Variants in AP3D1 observed in about 807,000 individuals in gnomAD.
AP3D1 encodes adaptor related protein complex 3 subunit delta 1, also known as AP-3 complex subunit delta-1.
In AP3D1, 51 loss-of-function variants were observed where a neutral mutation model predicts 147.6. The observed-to-expected ratio is 0.35, with a 90% CI of 0.28 to 0.44. AP3D1 has a LOEUF of 0.44. Among genes scored for constraint, AP3D1 ranks in the 20% least tolerant of loss-of-function variants. The pLI, the probability that AP3D1 is intolerant of heterozygous loss-of-function variation, is 1.00. For synonymous variants in AP3D1, 760 were observed against 663.0 expected (o/e 1.15, Z -2.25); for missense variants, 1,421 against 1,624.2 (o/e 0.87, Z 2.15).
rs1284952422 is a variant in AP3D1, at chr19:2,138,697, C to T, written c.114G>A (p.Gln38=). The T allele has an allele frequency of 6.2e-7, 1 of 1,613,118 alleles. No homozygotes were observed. The highest frequency in any genetic ancestry group is 8.5e-7 in the Non-Finnish European group (1 of 1,179,704). ...HKEDEAKYIS[Q]CIDEIKQELK... ...GCTCCTGCTTGATCTCATCAATGCA[C>T]TGAGATATGTATTTTGCCTATAATG... Residue 38 remains glutamine (Q), a synonymous_variant, in exon 2 of 32, where the codon CAG becomes CAA. Coordinates refer to ENST00000643116, the MANE Select transcript of AP3D1 (RefSeq NM_001261826.3).
intron 1 of AP3D1, among the ~76,000 whole-genome samples, chr19:2,160,134 C>T (rs1244179843): frequency 6.6e-6 from 1 of 151,978 alleles, no homozygotes; most frequent in Non-Finnish European, 1.5e-5. Context: ...CAGGCGTGAG[C>T]CACCGTGCCC....
chr19:2,127,484 T>C (rs973921446), intron 8 of AP3D1, among the ~76,000 whole-genome samples: 2 of 150,144 alleles, frequency 1.3e-5, no homozygotes, highest in Non-Finnish European at 2.9e-5. Context: ...GAGATGGCAA[T>C]ACCGCCTTCC....
rs973530619 is a variant in AP3D1 at position 2,124,645 on chromosome 19, A to G, written c.857-766T>C. 4.6e-5 allele frequency among the ~76,000 whole-genome samples: 7 copies of G among 152,196 alleles called. No individual in the cohort carries two copies. The South Asian group carries it at 8.3e-4, about 18-fold the overall frequency. On this transcript the variant is annotated intron_variant, in intron 9 of 31. Transcript: ENST00000643116. Reference sequence around the variant, plus strand: ...AGCTAAGCTATGAGGACGCAAAAGCATAACAATGATCTAGGCCAGGCGCGG... The same window carrying G: ...AGCTAAGCTATGAGGACGCAAAAGCGTAACAATGATCTAGGCCAGGCGCGG...
intron 1 of AP3D1, chr19:2,164,159 A>G: frequency 3.7e-6 from 4 of 1,074,230 alleles, no homozygotes; most frequent in Non-Finnish European, 4.5e-6. Context: ...CCCGCCTAGC[A>G]TGGTGCGGCG....
rs139414677 is a variant in AP3D1 at position 2,161,927 on chromosome 19, G to C, written c.-103+2429C>G. 7.5e-4 allele frequency among the ~76,000 whole-genome samples: 114 copies of C among 151,638 alleles called. No individual in the cohort carries two copies. The East Asian group carries it at 0.018, about 24-fold the overall frequency. On this transcript the variant is annotated intron_variant, in intron 1 of 14. Coordinates refer to the AP3D1 transcript ENST00000643010. The stretch of plus-strand genomic sequence containing the variant: ...TCCCAGTCACTACTCCAGCCTAGGC[G>C]AGAGTAAGACTATGTCAATAAATAA...
chr19:2,126,474 T>C (rs764216559), intron 9 of AP3D1, among the ~76,000 whole-genome samples: 4 of 151,898 alleles, frequency 2.6e-5, no homozygotes, highest in South Asian at 2.1e-4. Context: ...ATCAATGTAG[T>C]GAAACCCCGT....
rs2145047512 is a variant in AP3D1, at chr19:2,116,663, T to C, written c.1943A>G (p.Glu648Gly). Residue 648 changes from glutamate (E) to glycine (G), a missense_variant, in exon 17 of 32, where the codon GAG becomes GGG. By Grantham distance (98) the Glu-to-Gly change is moderately conservative. This residue lies in a region of AP3D1 where 791 missense variants were observed against 761.4 expected (regional missense o/e 1.04). Transcript: ENST00000643116. ...DERPRAVFHE[E>G]EQRRPKHRPS... ...CCGGTGCTTGGGACGCCGCTGCTCC[T>C]CCTCGTGGAAGACGGCCCTGGGCCT... The C allele has an allele frequency of 6.2e-7, 1 of 1,607,350 alleles. No homozygotes were observed.
intron 8 of AP3D1, among the ~76,000 whole-genome samples, chr19:2,127,683 C>A (rs1366840062): frequency 1.3e-5 from 2 of 152,190 alleles, no homozygotes; most frequent in African/African-American, 4.8e-5. Context: ...CACCACCACG[C>A]CCGGCTAATT....
At position 2,101,074 on chromosome 19, in the gene AP3D1, A is replaced by C. The variant is rs1423256106; in HGVS notation, c.*1099T>G. 1 of 152,584 alleles carries C rather than the reference A, an allele frequency of 6.6e-6. No homozygotes were observed. The highest frequency in any genetic ancestry group is 2.4e-5 in the African/African-American group (1 of 41,460). 9.5% of individuals were successfully genotyped at this position (152,584 alleles called of 1,614,324 possible). On this transcript the variant is annotated 3_prime_UTR_variant, in exon 32 of 32. Transcript: ENST00000643116. ...GATATGTCTCTCTCTTTATACGGGA[A>C]TGTCGATAGCAAATAAATTCTTATG...
At chr19:2,116,962 G>A in intron 16 of AP3D1, 1 of 809,416 alleles carries the variant, frequency 1.2e-6, no homozygotes. Context: ...GGCCCCCACG[G>A]CAGGCTCAGG....
intron 29 of AP3D1, chr19:2,109,548 G>A (rs370398300): frequency 1.2e-4 from 58 of 486,220 alleles, no homozygotes; most frequent in African/African-American, 9.1e-4. Context: ...TCAGGGGGGA[G>A]GGGGTGCCGC....
rs766545082 is a variant in AP3D1 at position 2,138,676 on chromosome 19, C to T, written c.135G>A (p.Gln45=). Residue 45 remains glutamine, a synonymous_variant, in exon 2 of 32, where the codon CAG becomes CAA. Coordinates refer to ENST00000643116, the MANE Select transcript of AP3D1 (RefSeq NM_001261826.3). ...YISQCIDEIK[Q]ELKQDNIAVK... Reference sequence around the variant, plus strand: ...CCGCTATGTTGTCCTGCTTCAGCTCCTGCTTGATCTCATCAATGCACTGAG... The same window carrying T: ...CCGCTATGTTGTCCTGCTTCAGCTCTTGCTTGATCTCATCAATGCACTGAG... 1.9e-5 allele frequency: 31 copies of T among 1,613,750 alleles called. No individual in the cohort carries two copies. The highest frequency in any genetic ancestry group is 2.5e-5 in the Non-Finnish European group (29 of 1,180,014).
chr19:2,158,340 G>A (rs1479063441), intron 1 of AP3D1, among the ~76,000 whole-genome samples: 10 of 150,338 alleles, frequency 6.7e-5, no homozygotes, highest in Admixed American at 5.3e-4. Flanking sequence ...ACAGGCATGA[G>A]CCAACGTGCT....
chr19:2,138,620 T>C lies in AP3D1; in HGVS notation c.191A>G (p.Tyr64Cys). The stretch of plus-strand genomic sequence containing the variant: ...CGCTGGCCACTGGGAGGCACTTACA[T>C]ACGTCAGCTTGCAGACCGCGTTCGC... ...VKANAVCKLTYLQMLGYDISW... is the reference protein window; with the variant it reads ...VKANAVCKLTCLQMLGYDISW... Residue 64 changes from tyrosine (Y) to cysteine (C), a missense_variant and splice_region_variant, in exon 2 of 32, where the codon TAT becomes TGT. By Grantham distance (194) the Tyr-to-Cys change is radical. Transcript: ENST00000643116. 11 of 1,613,668 alleles carry C rather than the reference T, an allele frequency of 6.8e-6. No homozygotes were observed. Among genetic ancestry groups the C allele is most frequent in the Non-Finnish European group, 8.5e-6 (10 of 1,179,824 alleles).
In AP3D1 at chr19:2,115,150, G is replaced by T. The variant is rs2018405432; in HGVS notation, c.2349+69C>A. On this transcript the variant is annotated intron_variant, in intron 20 of 31. Transcript: ENST00000643116. ...GAAGACCATGGGGAGAGGCCACTGT[G>T]CATGGCCCCAGGACACACACATGCG... 4 of 1,493,010 alleles carry T rather than the reference G, an allele frequency of 2.7e-6. No individual in the cohort carries two copies. The Admixed American group carries it at 7.1e-5, about 26-fold the overall frequency. The allele number at this position is 1,493,010 out of a possible 1,614,324, so 92.5% of individuals were successfully genotyped here. A position where few individuals can be genotyped will look rare whatever the true frequency, so the allele number is the denominator to read the frequency against.
chr19:2,162,688 A>T (rs1328242024), intron 1 of AP3D1, among the ~76,000 whole-genome samples: 2 of 151,714 alleles, frequency 1.3e-5, no homozygotes, highest in African/African-American at 4.8e-5. Context: ...CACTCAAAAA[A>T]AAAACCCCAA....
intron 5 of AP3D1, among the ~76,000 whole-genome samples, chr19:2,131,610 C>G (rs1375361696): frequency 2.8e-5 from 4 of 144,160 alleles, no homozygotes; most frequent in Admixed American, 6.7e-5. Flanking sequence ...CAGGCAGCCA[C>G]GCGGGGACAG....
intron 30 of AP3D1, 75 bp from the exon 31 acceptor site, chr19:2,108,841 C>A: frequency 1.4e-6 from 2 of 1,475,208 alleles, no homozygotes; most frequent in Non-Finnish European, 9.2e-7. Flanking sequence ...CAGGGGCCAC[C>A]TTCTTGGGCT....
intron 12 of AP3D1, 105 bp downstream of exon 12, chr19:2,121,629 G>A (rs534854289): frequency 1.3e-5 from 19 of 1,416,462 alleles, no homozygotes; most frequent in African/African-American, 5.7e-5. Context: ...ACTGATGGCC[G>A]AGTGTGAGGG....
Sources: allele counts gnomAD v4.1 joint callset (sites outside exome capture counted in the v4.1 genomes callset), GRCh38; gene constraint gnomAD v4.1.1; regional missense constraint gnomAD v4.1.1; transcripts MANE v1.5; gene names NCBI Gene and HGNC (gene_info 2026-07-23, HGNC 2026-07-21).